Variants in CENPW observed in about 807,000 individuals in gnomAD.
CENPW encodes the protein centromere protein W.
Under a neutral mutation model 11.1 loss-of-function variants are expected in CENPW, and 3 were observed. The observed-to-expected ratio is 0.27, with a 90% CI of 0.12 to 0.70. The LOEUF (loss-of-function observed/expected upper bound fraction) is 0.70, where lower values mean the gene tolerates loss of function less well. Among genes scored for constraint, CENPW ranks in the 30% least tolerant of loss-of-function variants. The pLI, the probability that CENPW is intolerant of heterozygous loss-of-function variation, is 0.77. For missense variants in CENPW, 100 were observed against 105.6 expected (o/e 0.95, Z 0.23); for synonymous variants, 38 against 42.0 (o/e 0.91, Z 0.37).
At chr6:126,355,078 AT>A in the CENPW span, among the ~76,000 whole-genome samples, 2 of 152,148 alleles carry the variant, frequency 1.3e-5, no homozygotes, top group East Asian at 3.8e-4. Flanking sequence ...GTGTTAAATT[AT>A]TTACTTTAAA....
At chr6:126,346,715 AACTC>A (rs1011474296) in intron 2 of CENPW, among the ~76,000 whole-genome samples, 2 of 152,256 alleles carry the variant, frequency 1.3e-5, no homozygotes. Flanking sequence ...AAGGAAAGAG[AACTC>A]ACTCACTATC....
chr6:126,357,140 C>A, the CENPW span, among the ~76,000 whole-genome samples: 1 of 151,928 alleles, frequency 6.6e-6, no homozygotes, highest in Non-Finnish European at 1.5e-5. Flanking sequence ...GCAGTTTAAT[C>A]TTTCTGCATA....
At chr6:126,442,436 C>G in the CENPW span, among the ~76,000 whole-genome samples, 2 of 151,438 alleles carry the variant, frequency 1.3e-5, no homozygotes, top group Admixed American at 6.6e-5. Flanking sequence ...AGACAACTCA[C>G]AGAGTGGGAG....
chr6:126,402,797 T>C, the CENPW span, among the ~76,000 whole-genome samples: 1 of 152,096 alleles, frequency 6.6e-6, no homozygotes, highest in Admixed American at 6.6e-5. Context: ...TTGACTATTA[T>C]TAATAATGCT....
the CENPW span, among the ~76,000 whole-genome samples, chr6:126,445,923 G>A: frequency 7.3e-5 from 11 of 151,120 alleles, no homozygotes; most frequent in East Asian, 2.1e-3. Context: ...TTGGATATGC[G>A]GTTTCTAAAC....
chr6:126,364,873 C>T, the CENPW span, among the ~76,000 whole-genome samples: 2 of 151,984 alleles, frequency 1.3e-5, no homozygotes, highest in African/African-American at 2.4e-5. Flanking sequence ...CAGAAAATAC[C>T]CTGTTTGCAT....
the CENPW span, among the ~76,000 whole-genome samples, chr6:126,368,774 A>G: frequency 6.6e-6 from 1 of 151,944 alleles, no homozygotes; most frequent in Non-Finnish European, 1.5e-5. Context: ...CCTCCCGAGT[A>G]GCTGAGACTA....
chr6:126,407,732 T>G, the CENPW span, among the ~76,000 whole-genome samples: 14 of 152,200 alleles, frequency 9.2e-5, no homozygotes, highest in Non-Finnish European at 1.6e-4. Flanking sequence ...ATGTCTTCTT[T>G]TGAGAAGTGT....
the CENPW span, among the ~76,000 whole-genome samples, chr6:126,393,241 TC>T: frequency 6.6e-6 from 1 of 151,936 alleles, no homozygotes; most frequent in Non-Finnish European, 1.5e-5. Flanking sequence ...AATTAACTTT[TC>T]ATTTCATTGA....
At chr6:126,383,787 A>G in the CENPW span, among the ~76,000 whole-genome samples, 1 of 152,274 alleles carries the variant, frequency 6.6e-6, no homozygotes, top group East Asian at 1.9e-4. Flanking sequence ...GTTCTTATAG[A>G]CCTGCAGAGA....
the CENPW span, among the ~76,000 whole-genome samples, chr6:126,395,322 A>T: frequency 6.6e-6 from 1 of 151,872 alleles, no homozygotes; most frequent in Non-Finnish European, 1.5e-5. Context: ...CTATTAAGAG[A>T]CTTTGATACG....
the CENPW span, among the ~76,000 whole-genome samples, chr6:126,361,477 A>G: frequency 6.6e-6 from 1 of 152,110 alleles, no homozygotes; most frequent in Non-Finnish European, 1.5e-5. Flanking sequence ...TTGTATTTTT[A>G]GTAGAGACGG....
At chr6:126,361,228 T>G in the CENPW span, among the ~76,000 whole-genome samples, 1 of 152,244 alleles carries the variant, frequency 6.6e-6, no homozygotes, top group Non-Finnish European at 1.5e-5. Context: ...TAGATGGCGC[T>G]TAAGACGCTT....
the CENPW span, among the ~76,000 whole-genome samples, chr6:126,454,571 A>G: frequency 6.6e-6 from 1 of 151,334 alleles, no homozygotes; most frequent in Non-Finnish European, 1.5e-5. Context: ...CAGCTAACGC[A>G]ACATTAAGAG....
the CENPW span, among the ~76,000 whole-genome samples, chr6:126,378,960 A>C: frequency 6.6e-6 from 1 of 152,226 alleles, no homozygotes; most frequent in East Asian, 1.9e-4. Flanking sequence ...ATATAGGAAA[A>C]ATATTACATT....
chr6:126,386,444 A>T, the CENPW span, among the ~76,000 whole-genome samples: 8 of 152,112 alleles, frequency 5.3e-5, no homozygotes, highest in Non-Finnish European at 1.2e-4. Flanking sequence ...AAACATGCCC[A>T]GTACTATTTA....
At chr6:126,347,612 CAT>C (rs1188657717) in intron 2 of CENPW, among the ~76,000 whole-genome samples, 1 of 152,000 alleles carries the variant, frequency 6.6e-6, no homozygotes, top group Admixed American at 6.6e-5. Flanking sequence ...TAGAAATGTG[CAT>C]GTCTTGGCAT....
At chr6:126,467,895 T>C in the CENPW span, among the ~76,000 whole-genome samples, 2 of 152,172 alleles carry the variant, frequency 1.3e-5, no homozygotes, top group South Asian at 2.1e-4. Flanking sequence ...ACCCTTGATA[T>C]GATGTAATGA....
the CENPW span, among the ~76,000 whole-genome samples, chr6:126,416,760 A>C: frequency 6.6e-6 from 1 of 152,170 alleles, no homozygotes; most frequent in African/African-American, 2.4e-5. Context: ...GGATTTGGGA[A>C]CCTTCACCTA....
Sources: allele counts gnomAD v4.1 joint callset (sites outside exome capture counted in the v4.1 genomes callset), GRCh38; gene constraint gnomAD v4.1.1; transcripts MANE v1.5; gene names NCBI Gene and HGNC (gene_info 2026-07-23, HGNC 2026-07-21).